Variants in NMD3 observed in about 807,000 individuals in gnomAD.
NMD3 encodes 60S ribosomal export protein NMD3.
NMD3 carries 47 observed loss-of-function variants against 73.1 expected under a neutral mutation model. The ratio of observed to expected loss-of-function variants is 0.64; its 90% CI spans 0.51 to 0.82. The LOEUF (loss-of-function observed/expected upper bound fraction) is 0.82, where lower values mean the gene tolerates loss of function less well. Ranked by LOEUF, NMD3 falls within the 40% of genes least tolerant of loss-of-function variation. The pLI is 0.00. For missense variants in NMD3, 554 were observed against 612.5 expected, an observed-to-expected ratio of 0.90 and a Z score of 1.01; for synonymous variants, 210 against 194.5, an observed-to-expected ratio of 1.08 and a Z score of -0.66.
chr3:161,252,943 G>T (rs1737545304), downstream of NMD3: 2 of 513,838 alleles, frequency 3.9e-6, no homozygotes, highest in African/African-American at 4.0e-5. Context: ...TACTAAAAAT[G>T]CAAAAATTAT....
chr3:161,240,906 T>A (rs1418811343), intron 9 of NMD3, 140 bp from the exon 10 acceptor site: 3 of 505,174 alleles, frequency 5.9e-6, no homozygotes, highest in Non-Finnish European at 1.1e-5. Context: ...ATTCTTTTCT[T>A]TAGTCTCTTT....
At chr3:161,224,501 C>CT (rs957966976) in intron 2 of NMD3, among the ~76,000 whole-genome samples, 12 of 151,506 alleles carry the variant, frequency 7.9e-5, no homozygotes, top group African/African-American at 1.9e-4. Context: ...TTTTTTGTTT[C>CT]TTTTTTTTGA....
chr3:161,252,294 T>A lies in NMD3; in HGVS notation c.*1384T>A, dbSNP rs1737520689. 6.6e-6 allele frequency: 1 copy of A among 152,220 alleles called. No individual in the cohort carries two copies. Among genetic ancestry groups the A allele is most frequent in the Non-Finnish European group, 1.5e-5 (1 of 68,036 alleles). 9.4% of individuals were successfully genotyped at this position (152,220 alleles called of 1,614,324 possible). A position where few individuals can be genotyped will look rare whatever the true frequency, so the allele number is the denominator to read the frequency against. ...AAAATAAAGCCATTCTTGCCCTTTT[T>A]CGTGTGTTTGAAATGGTCGCATTGG... On this transcript the variant is annotated 3_prime_UTR_variant, in exon 16 of 16. Transcript: ENST00000351193.
chr3:161,240,837 AT>A (rs35751107), intron 9 of NMD3, among the ~76,000 whole-genome samples: 143 of 147,802 alleles, frequency 9.7e-4, no homozygotes, highest in Admixed American at 1.1e-3. Flanking sequence ...CTCAGCCAGG[AT>A]TTTTTTTTTT....
chr3:161,251,033 C>T lies in NMD3; in HGVS notation c.*123C>T. ...AAATTTAGTTTTAAACCTGAATAAA[C>T]ATGTTTGTTTTCAGTGCTCACTCAA... is the stretch of plus-strand genomic sequence containing the variant. On this transcript the variant is annotated 3_prime_UTR_variant, in exon 16 of 16. Transcript: ENST00000351193. 1 of 705,766 alleles carries T rather than the reference C, an allele frequency of 1.4e-6. No homozygotes were observed. The highest frequency in any genetic ancestry group is 2.3e-6 in the Non-Finnish European group (1 of 440,022). The allele number at this position is 705,766 out of a possible 1,614,324, so 43.7% of individuals were successfully genotyped here.
upstream of NMD3, chr3:161,221,167 T>C (rs1015906413): frequency 6.6e-6 from 1 of 152,238 alleles, no homozygotes; most frequent in Non-Finnish European, 1.5e-5. Context: ...CCCCTGGGAC[T>C]TCTCTCCGCG....
intron 1 of NMD3, chr3:161,221,741 C>T (rs1428293721): frequency 1.6e-5 from 5 of 311,498 alleles, no homozygotes; most frequent in South Asian, 5.0e-5. Flanking sequence ...TGGAGGTCAG[C>T]GGCAGAGCTG....
chr3:161,232,875 A>G (rs1294724878), intron 4 of NMD3, among the ~76,000 whole-genome samples: 1 of 152,056 alleles, frequency 6.6e-6, no homozygotes, highest in Non-Finnish European at 1.5e-5. Context: ...ATCTTCACAT[A>G]TAGCAAACTG....
intron 4 of NMD3, among the ~76,000 whole-genome samples, chr3:161,227,592 C>T (rs1380403787): frequency 2.6e-5 from 4 of 151,468 alleles, no homozygotes; most frequent in African/African-American, 4.9e-5. Context: ...GGATTATAGG[C>T]GCACACCACC....
At chr3:161,224,824 A>G in intron 2 of NMD3, 106 bp from the exon 3 acceptor site, 1 of 1,122,594 alleles carries the variant, frequency 8.9e-7, no homozygotes, top group Non-Finnish European at 1.3e-6. Flanking sequence ...AAAAGGGCAA[A>G]GATGCTGTGG....
At chr3:161,224,888 T>C in intron 2 of NMD3, 42 bp from the exon 3 acceptor site, 2 of 1,543,998 alleles carry the variant, frequency 1.3e-6, no homozygotes, top group Non-Finnish European at 1.7e-6. Context: ...TTAGTGTATT[T>C]TAAAAATCTA....
At chr3:161,252,755 AT>A (rs755323261), downstream of NMD3, 997 of 639,468 alleles carry the variant, frequency 1.6e-3, no homozygotes, top group Admixed American at 2.4e-3. Context: ...CATTATGACC[AT>A]TTTTTTTTGT....
At chr3:161,253,078 CAG>C (rs1576864689), downstream of NMD3, 2 of 217,400 alleles carry the variant, frequency 9.2e-6, no homozygotes, top group East Asian at 1.9e-4. Context: ...GCCTGGGCGA[CAG>C]AGTGAGACTC....
Position 161,250,907 on chromosome 3 carries a change from A to C in NMD3, c.1509A>C (p.Thr503=). 1.9e-6 allele frequency: 3 copies of C among 1,611,460 alleles called. No homozygotes were observed. Among genetic ancestry groups the C allele is most frequent in the Non-Finnish European group, 2.5e-6 (3 of 1,178,340 alleles). The change falls in exon 16 of 16, where the codon ACA becomes ACC. Residue 503 remains threonine (T), a synonymous_variant. Transcript: ENST00000351193. ...GTGAAGAAGGTGCATCAATGCTGAC[A>C]TAATGAGATGTTGTAGACTGTTTCC... ...ATGEEGASML[T]
intron 7 of NMD3, among the ~76,000 whole-genome samples, chr3:161,237,216 A>T (rs1453176056): frequency 6.6e-6 from 1 of 152,046 alleles, no homozygotes; most frequent in Non-Finnish European, 1.5e-5. Context: ...TTTCTTTTTA[A>T]AATCTTAATA....
At chr3:161,236,438 G>A (rs1183739120) in intron 7 of NMD3, among the ~76,000 whole-genome samples, 2 of 152,116 alleles carry the variant, frequency 1.3e-5, no homozygotes, top group Non-Finnish European at 2.9e-5. Context: ...AATGACTAAC[G>A]ATGTTGAGCA....
downstream of NMD3, chr3:161,253,127 G>A (rs1711509776): frequency 1.1e-5 from 2 of 178,518 alleles, no homozygotes; most frequent in Non-Finnish European, 2.3e-5. Context: ...AGTCTGATGA[G>A]CAAGAAAAGT....
At chr3:161,250,116 TGA>T (rs1737420098) in intron 14 of NMD3, 138 bp from the exon 15 acceptor site, 3 of 565,096 alleles carry the variant, frequency 5.3e-6, no homozygotes, top group African/African-American at 1.9e-5. Flanking sequence ...CTAAAAAAAC[TGA>T]GAGTTTATAT....
chr3:161,226,328 C>T (rs1246717055), intron 3 of NMD3, among the ~76,000 whole-genome samples: 3 of 151,498 alleles, frequency 2.0e-5, no homozygotes, highest in African/African-American at 7.3e-5. Context: ...GTGGGGCACG[C>T]ATGTAATCCT....
Sources: gnomAD v4.1 joint callset for allele counts (sites outside exome capture counted in the v4.1 genomes callset) on GRCh38, gnomAD v4.1.1 for gene constraint, MANE v1.5 for transcripts, NCBI Gene and HGNC (gene_info 2026-07-23, HGNC 2026-07-21) for gene names.